MRPS6: variants seen among roughly 807,000 people sequenced by gnomAD.
MRPS6 encodes mitochondrial ribosomal protein S6, also known as small ribosomal subunit protein bS6m.
A neutral mutation model predicts 13.1 loss-of-function variants in MRPS6; 6 were observed. The observed-to-expected ratio is 0.46, with a 90% confidence interval of 0.25 to 0.91. MRPS6 has a LOEUF of 0.91. Ranked by LOEUF, MRPS6 falls within the 40% of genes least tolerant of loss-of-function variation. MRPS6 has a pLI of 0.18. For synonymous variants in MRPS6, 61 were observed against 56.5 expected (o/e 1.08, Z -0.36); for missense variants, 164 against 155.6 (o/e 1.05, Z -0.29).
intron 1 of MRPS6, among the ~76,000 whole-genome samples, chr21:34,084,524 C>T (rs1989528952): frequency 6.6e-6 from 1 of 152,038 alleles, no homozygotes; most frequent in Admixed American, 6.6e-5. Context: ...AGTAGGGGTG[C>T]AGGGGTTATG....
chr21:34,088,587 G>A (rs1172861147), intron 1 of MRPS6, among the ~76,000 whole-genome samples: 1 of 152,116 alleles, frequency 6.6e-6, no homozygotes, highest in Non-Finnish European at 1.5e-5. Context: ...TATCAATATC[G>A]TTAATGTTTC....
chr21:34,085,588 A>G (rs1296915166), intron 1 of MRPS6, among the ~76,000 whole-genome samples: 1 of 151,468 alleles, frequency 6.6e-6, no homozygotes, highest in African/African-American at 2.4e-5. Flanking sequence ...ATTAGTGTAT[A>G]AGAAATAAGG....
chr21:34,094,648 C>T (rs1424216188), intron 1 of MRPS6, among the ~76,000 whole-genome samples: 1 of 152,118 alleles, frequency 6.6e-6, no homozygotes, highest in East Asian at 1.9e-4. Context: ...AATTTCTGTC[C>T]TCAGCTCAAA....
chr21:34,121,424 G>C (rs1221864622), intron 1 of MRPS6, among the ~76,000 whole-genome samples: 1 of 152,172 alleles, frequency 6.6e-6, no homozygotes, highest in Non-Finnish European at 1.5e-5. Flanking sequence ...TAACTCATTA[G>C]TGAATGAGCT....
At chr21:34,092,064 C>T (rs1323679956) in intron 1 of MRPS6, among the ~76,000 whole-genome samples, 4 of 151,666 alleles carry the variant, frequency 2.6e-5, no homozygotes, top group African/African-American at 9.7e-5. Flanking sequence ...ATAAGGGAAC[C>T]CTGGACAGTG....
intron 1 of MRPS6, among the ~76,000 whole-genome samples, chr21:34,083,764 G>C (rs1186057867): frequency 6.6e-6 from 1 of 152,224 alleles, no homozygotes; most frequent in Non-Finnish European, 1.5e-5. Flanking sequence ...TCTCATGTGT[G>C]GACTAAGTAA....
chr21:34,077,125 CTT>C (rs1482682447), intron 1 of MRPS6, among the ~76,000 whole-genome samples: 1 of 152,136 alleles, frequency 6.6e-6, no homozygotes, highest in East Asian at 1.9e-4. Context: ...AGTGAGCTCT[CTT>C]GTGAGTGGGA....
At chr21:34,126,009 C>G (rs1255112360) in intron 2 of MRPS6, among the ~76,000 whole-genome samples, 1 of 152,148 alleles carries the variant, frequency 6.6e-6, no homozygotes, top group African/African-American at 2.4e-5. Flanking sequence ...AGATTTGATT[C>G]TGTAGTAATA....
chr21:34,081,517 A>G (rs187887310), intron 1 of MRPS6, among the ~76,000 whole-genome samples: 9 of 152,328 alleles, frequency 5.9e-5, no homozygotes, highest in Admixed American at 4.6e-4. Flanking sequence ...TGAAATGAAG[A>G]TACTGGATGT....
intron 2 of MRPS6, among the ~76,000 whole-genome samples, chr21:34,134,651 C>T (rs1980623673): frequency 6.6e-6 from 1 of 152,188 alleles, no homozygotes; most frequent in Admixed American, 6.5e-5. Context: ...TCGATTCCTT[C>T]CTCTACTTGT....
intron 1 of MRPS6, chr21:34,122,731 G>C (rs149875866): frequency 1.3e-5 from 2 of 150,140 alleles, no homozygotes; most frequent in African/African-American, 4.9e-5. Context: ...TTTTTTTTGA[G>C]TGCAAAGCTG....
At chr21:34,097,566 C>A in intron 1 of MRPS6, 1 of 1,334,920 alleles carries the variant, frequency 7.5e-7, no homozygotes, top group Non-Finnish European at 9.6e-7. Flanking sequence ...ACCTAACAGA[C>A]TGAATTGTGC....
chr21:34,122,334 C>G (rs564303937), intron 1 of MRPS6: 1 of 152,260 alleles, frequency 6.6e-6, no homozygotes, highest in African/African-American at 2.4e-5. Context: ...GAGGTAAGGT[C>G]TATGGGGCGT....
rs1475368754 is a variant in MRPS6 at position 34,096,509 on chromosome 21, G to A, written c.45+22764G>A. On this transcript the variant is annotated intron_variant, in intron 1 of 2. Coordinates refer to ENST00000399312, the MANE Select transcript of MRPS6 (RefSeq NM_032476.4). This position sits in a 1 kb window ranked among gnomAD's most constrained non-coding sequence, Gnocchi z 5.9. Reference sequence around the variant, plus strand: ...TCGTGGAGATGCAAGGAGGCCAGATGTACCTTTACATTCAGGAGGTAGCAG... The same window carrying A: ...TCGTGGAGATGCAAGGAGGCCAGATATACCTTTACATTCAGGAGGTAGCAG... 2.5e-6 allele frequency: 4 copies of A among 1,614,058 alleles called. No individual in the cohort carries two copies. In the African/African-American group the frequency reaches 4.0e-5, roughly 16 times the overall value.
At chr21:34,128,490 C>T (rs1179075115) in intron 2 of MRPS6, among the ~76,000 whole-genome samples, 3 of 152,134 alleles carry the variant, frequency 2.0e-5, no homozygotes, top group Non-Finnish European at 2.9e-5. Flanking sequence ...GGAGAGTATA[C>T]TTTGGAAATG....
chr21:34,104,913 A>T, intron 1 of MRPS6: 1 of 1,000,210 alleles, frequency 1.0e-6, no homozygotes. Flanking sequence ...CCTTTCATCT[A>T]TAATTTCATG....
At chr21:34,128,844 A>G (rs929205211) in intron 2 of MRPS6, among the ~76,000 whole-genome samples, 1 of 152,200 alleles carries the variant, frequency 6.6e-6, no homozygotes, top group South Asian at 2.1e-4. Context: ...TGGGGCCTGG[A>G]TTGGGCCACC....
intron 1 of MRPS6, among the ~76,000 whole-genome samples, chr21:34,108,029 C>T (rs914369330): frequency 2.0e-4 from 31 of 152,204 alleles, no homozygotes; most frequent in African/African-American, 7.0e-4. Flanking sequence ...CAATGGACGA[C>T]GTATATGATG....
intron 1 of MRPS6, chr21:34,103,733 T>G (rs1171422656): frequency 2.0e-6 from 2 of 999,824 alleles, no homozygotes; most frequent in East Asian, 2.3e-4. Flanking sequence ...ATGCGGTATC[T>G]AAACTGGTCC....
Sources: allele counts gnomAD v4.1 joint callset (sites outside exome capture counted in the v4.1 genomes callset), GRCh38; gene constraint gnomAD v4.1.1; non-coding constraint Gnocchi (gnomAD v3.1); transcripts MANE v1.5; gene names NCBI Gene and HGNC (gene_info 2026-07-23, HGNC 2026-07-21).